Variants in RAP1A observed in about 807,000 individuals in gnomAD.
RAP1A encodes RAP1A, member of RAS oncogene family.
In RAP1A, 6 loss-of-function variants were observed where a neutral mutation model predicts 26.4. The observed-to-expected ratio is 0.23, with a 90% CI of 0.12 to 0.45. RAP1A has a LOEUF of 0.45. Among genes scored for constraint, RAP1A ranks in the 20% least tolerant of loss-of-function variants. RAP1A has a pLI of 0.99. For synonymous variants in RAP1A, 73 were observed against 79.4 expected (o/e 0.92, Z 0.43); for missense variants, 121 against 217.2 (o/e 0.56, Z 2.78).
chr1:111,592,416 A>C (rs773518867), intron 1 of RAP1A, among the ~76,000 whole-genome samples: 4 of 152,200 alleles, frequency 2.6e-5, no homozygotes, highest in Non-Finnish European at 4.4e-5. Flanking sequence ...GATATTGTCC[A>C]CAGAGCAAAT....
chr1:111,688,885 A>T (rs1661583686), intron 1 of RAP1A, among the ~76,000 whole-genome samples: 1 of 145,522 alleles, frequency 6.9e-6, no homozygotes, highest in Admixed American at 7.1e-5. Flanking sequence ...CCCAGGCAGG[A>T]GTGCAGTGGG....
chr1:111,598,071 C>T (rs111255436), intron 1 of RAP1A, among the ~76,000 whole-genome samples: 4 of 152,306 alleles, frequency 2.6e-5, no homozygotes, highest in Admixed American at 2.6e-4. Flanking sequence ...TAATCATCCT[C>T]CTTTTTCAGA....
At chr1:111,579,893 G>A (rs774984737) in intron 1 of RAP1A, among the ~76,000 whole-genome samples, 3 of 151,030 alleles carry the variant, frequency 2.0e-5, no homozygotes, top group Admixed American at 6.6e-5. Context: ...CACTGCAAGC[G>A]AGTCTCTTGC....
intron 1 of RAP1A, among the ~76,000 whole-genome samples, chr1:111,556,780 C>T (rs969982858): frequency 1.6e-4 from 24 of 151,998 alleles, no homozygotes; most frequent in African/African-American, 2.4e-4. Context: ...TAAAGCTTTA[C>T]TCTGGGAAGC....
At chr1:111,686,120 G>A (rs978626970) in intron 1 of RAP1A, among the ~76,000 whole-genome samples, 17 of 149,574 alleles carry the variant, frequency 1.1e-4, no homozygotes, top group Non-Finnish European at 4.5e-5. Flanking sequence ...GCCGGGGCCT[G>A]TCGGGGGGTG....
chr1:111,566,866 GTT>G (rs56397519), intron 1 of RAP1A, among the ~76,000 whole-genome samples: 46 of 137,182 alleles, frequency 3.4e-4, no homozygotes, highest in African/African-American at 7.4e-4. Flanking sequence ...TGGTGGTTGG[GTT>G]TTTTTTTTTT....
intron 1 of RAP1A, chr1:111,648,298 A>C (rs2101130431): frequency 1.0e-6 from 1 of 1,003,694 alleles, no homozygotes; most frequent in Admixed American, 1.9e-5. Flanking sequence ...TAATTCTCAG[A>C]ACTTTGGTGT....
intron 1 of RAP1A, among the ~76,000 whole-genome samples, chr1:111,656,141 T>G (rs1383933006): frequency 1.3e-5 from 2 of 152,136 alleles, no homozygotes; most frequent in Non-Finnish European, 2.9e-5. Context: ...AGAAGGATAG[T>G]TAAATTACTG....
Position 111,606,396 on chromosome 1 carries a change from G to A in RAP1A, c.-28+63887G>A, listed in dbSNP as rs560431551. On this transcript the variant is annotated intron_variant, in intron 1 of 7. Transcript: ENST00000356415. Reference sequence around the variant, plus strand: ...AAGAACCTTTTATAAGAAGAAGGTAGCTGGAGAATGCTTATTCTCCTGGCA... The same window carrying A: ...AAGAACCTTTTATAAGAAGAAGGTAACTGGAGAATGCTTATTCTCCTGGCA... Among the ~76,000 whole-genome samples the A allele has an allele frequency of 3.9e-5, 6 of 152,320 alleles. No individual in the cohort carries two copies. In the East Asian group the frequency reaches 5.8e-4, roughly 15 times the overall value.
intron 1 of RAP1A, among the ~76,000 whole-genome samples, chr1:111,563,601 G>C (rs1054008458): frequency 6.6e-6 from 1 of 152,178 alleles, no homozygotes; most frequent in Non-Finnish European, 1.5e-5. Flanking sequence ...ATGGGAAAAT[G>C]CCTCCAGAGC....
At chr1:111,598,351 G>T (rs777970594) in intron 1 of RAP1A, among the ~76,000 whole-genome samples, 2 of 152,124 alleles carry the variant, frequency 1.3e-5, no homozygotes, top group Non-Finnish European at 2.9e-5. Context: ...TGAAGAAACT[G>T]AGTTTACATA....
intron 1 of RAP1A, among the ~76,000 whole-genome samples, chr1:111,634,133 T>C (rs892101053): frequency 6.6e-6 from 1 of 152,186 alleles, no homozygotes; most frequent in African/African-American, 2.4e-5. Flanking sequence ...CATGTGAAGT[T>C]TTTTAATAGT....
chr1:111,712,952 G>GA lies in RAP1A; in HGVS notation c.*556dup, dbSNP rs937111432. The GA allele has an allele frequency of 1.3e-5, 2 of 152,338 alleles. No individual in the cohort carries two copies. The highest frequency in any genetic ancestry group is 2.4e-5 in the African/African-American group (1 of 41,400). The allele number at this position is 152,338 out of a possible 1,614,324, so 9.4% of individuals were successfully genotyped here. ...AATTAAAATTGTGCATAATGCTTTG[G>GA]AAAAATGGGTCTTTTATAGGAAAAA... is the stretch of plus-strand genomic sequence containing the variant. On this transcript the variant is annotated 3_prime_UTR_variant, in exon 8 of 8. Transcript: ENST00000369709.
chr1:111,701,895 T>C (rs1662032733), intron 4 of RAP1A, among the ~76,000 whole-genome samples: 1 of 152,234 alleles, frequency 6.6e-6, no homozygotes, highest in Non-Finnish European at 1.5e-5. Flanking sequence ...TTCTGGAATA[T>C]GCAAACTTTA....
intron 1 of RAP1A, among the ~76,000 whole-genome samples, chr1:111,594,846 C>T (rs1658536495): frequency 6.6e-6 from 1 of 152,112 alleles, no homozygotes; most frequent in African/African-American, 2.4e-5. Flanking sequence ...TAGTTTAAGA[C>T]TATAAACAAT....
upstream of RAP1A, among the ~76,000 whole-genome samples, chr1:111,615,380 A>G (rs966703153): frequency 6.6e-6 from 1 of 151,896 alleles, no homozygotes; most frequent in African/African-American, 2.4e-5. Flanking sequence ...GACCTAGGTT[A>G]ACCAATACCT....
intron 1 of RAP1A, among the ~76,000 whole-genome samples, chr1:111,688,822 GTTTTTTTTT>G (rs767753356): frequency 6.7e-5 from 6 of 90,116 alleles, no homozygotes; most frequent in East Asian, 3.7e-4. Flanking sequence ...TTTTTTTTTT[GTTTTTTTTT>G]TTGTTTTTTT....
chr1:111,619,784 G>C (rs969242453), upstream of RAP1A: 19 of 397,682 alleles, frequency 4.8e-5, no homozygotes, highest in Non-Finnish European at 7.1e-5. Flanking sequence ...TCTGGAGGAG[G>C]CGCCGCCGCC....
rs945573280 is a variant in RAP1A at position 111,651,793 on chromosome 1, T to C, written c.-28+31859T>C. Among the ~76,000 whole-genome samples the C allele has an allele frequency of 2.0e-5, 3 of 152,260 alleles. No individual in the cohort carries two copies. In the South Asian group the frequency reaches 6.2e-4, roughly 32 times the overall value. Reference sequence around the variant, plus strand: ...CGCCCAGCTAATGTTTTTGTGTTTTTAGTTGAGACAGCGTTTCACCATGTT... The same window carrying C: ...CGCCCAGCTAATGTTTTTGTGTTTTCAGTTGAGACAGCGTTTCACCATGTT... On this transcript the variant is annotated intron_variant, in intron 1 of 7. Coordinates refer to ENST00000369709, the MANE Select transcript of RAP1A (RefSeq NM_002884.4).
Sources: allele counts gnomAD v4.1 joint callset (sites outside exome capture counted in the v4.1 genomes callset), GRCh38; gene constraint gnomAD v4.1.1; transcripts MANE v1.5; gene names NCBI Gene and HGNC (gene_info 2026-07-23, HGNC 2026-07-21).